The following ADAM10 variants were observed in gnomAD, a reference collection of about 807,000 sequenced individuals.
ADAM10 encodes the protein disintegrin and metalloproteinase domain-containing protein 10.
In ADAM10, 17 loss-of-function variants were observed where a neutral mutation model predicts 90.1. The observed-to-expected ratio is 0.19, with a 90% CI of 0.13 to 0.28. ADAM10 has a LOEUF of 0.28. ADAM10 is among the 10% of genes least tolerant of loss of function. The pLI, the probability that ADAM10 is intolerant of heterozygous loss-of-function variation, is 1.00. For synonymous variants in ADAM10, 310 were observed against 298.6 expected (o/e 1.04, Z -0.40); for missense variants, 610 against 914.3 (o/e 0.67, Z 4.29).
At chr15:58,745,050 G>C (rs995810067) in intron 1 of ADAM10, among the ~76,000 whole-genome samples, 2 of 152,160 alleles carry the variant, frequency 1.3e-5, no homozygotes, top group East Asian at 1.9e-4. Context: ...AGGCGTGGTG[G>C]TGCGCACCTG....
intron 4 of ADAM10, among the ~76,000 whole-genome samples, chr15:58,671,389 T>C (rs1192296622): frequency 6.6e-6 from 1 of 152,228 alleles, no homozygotes. Flanking sequence ...AGCAGCTTTT[T>C]AGAGGGCCAG....
chr15:58,715,799 T>C (rs905474327), intron 2 of ADAM10, among the ~76,000 whole-genome samples: 1 of 152,228 alleles, frequency 6.6e-6, no homozygotes, highest in Non-Finnish European at 1.5e-5. Flanking sequence ...TTGCCATTTA[T>C]TCAATATGAA....
At chr15:58,693,487 G>T (rs1360547831) in intron 2 of ADAM10, among the ~76,000 whole-genome samples, 3 of 152,050 alleles carry the variant, frequency 2.0e-5, no homozygotes, top group Non-Finnish European at 2.9e-5. Flanking sequence ...GCAATTCAAA[G>T]AATTGATAGG....
chr15:58,590,153 C>T lies in ADAM10; in HGVS notation c.*7394G>A, dbSNP rs1455498314. The T allele has an allele frequency of 6.6e-6, 1 of 152,152 alleles. No individual in the cohort carries two copies. Among genetic ancestry groups the T allele is most frequent in the African/African-American group, 2.4e-5 (1 of 41,432 alleles). 9.4% of individuals were successfully genotyped at this position (152,152 alleles called of 1,614,324 possible). ...TCACTTTCATAAGGAATTCTCTGAC[C>T]TTCCTGATGTCCCACCCTCCTTTCT... is the stretch of plus-strand genomic sequence containing the variant. On this transcript the variant is annotated 3_prime_UTR_variant, in exon 16 of 16. Coordinates refer to ENST00000260408, the MANE Select transcript of ADAM10 (RefSeq NM_001110.4).
At position 58,686,729 on chromosome 15, in the gene ADAM10, C is replaced by T. The variant is rs1897614168; in HGVS notation, c.207-4415G>A. The T allele has an allele frequency of 4.8e-6, 3 of 621,812 alleles. No homozygotes were observed. In the East Asian group the frequency reaches 8.2e-5, roughly 17 times the overall value. 38.5% of individuals were successfully genotyped at this position (621,812 alleles called of 1,614,324 possible). On this transcript the variant is annotated intron_variant, in intron 2 of 15. Coordinates refer to ENST00000260408, the MANE Select transcript of ADAM10 (RefSeq NM_001110.4). The stretch of plus-strand genomic sequence containing the variant: ...CCTAACTTTTAGAGATATTTCAGCC[C>T]TTTCCTGTGGCCCCGTCCTATAGCC...
intron 4 of ADAM10, among the ~76,000 whole-genome samples, chr15:58,675,208 G>T (rs1315226774): frequency 6.6e-6 from 1 of 151,914 alleles, no homozygotes; most frequent in East Asian, 1.9e-4. Flanking sequence ...AACCTCTCTG[G>T]GCTTTTCTAT....
chr15:58,612,127 G>T, intron 11 of ADAM10, 136 bp from the exon 12 acceptor site: 1 of 896,292 alleles, frequency 1.1e-6, no homozygotes, highest in Non-Finnish European at 1.7e-6. Context: ...TAAATGATAA[G>T]TATGTTACTG....
At chr15:58,741,042 G>A (rs1018636256) in intron 1 of ADAM10, among the ~76,000 whole-genome samples, 13 of 152,052 alleles carry the variant, frequency 8.5e-5, no homozygotes, top group African/African-American at 3.1e-4. Flanking sequence ...TAGGAAAAGG[G>A]GTAGTAAATT....
chr15:58,686,466 T>C (rs879576401), intron 2 of ADAM10: 50 of 1,396,056 alleles, frequency 3.6e-5, no homozygotes, highest in Non-Finnish European at 4.8e-5. Context: ...CAGCTCAAGT[T>C]GGAGGCTGGC....
At chr15:58,638,018 T>C (rs1896314119) in intron 8 of ADAM10, among the ~76,000 whole-genome samples, 1 of 152,314 alleles carries the variant, frequency 6.6e-6, no homozygotes, top group African/African-American at 2.4e-5. Context: ...GCAGTGTTAT[T>C]TCAAGGCAGG....
chr15:58,592,231 T>C lies in ADAM10; in HGVS notation c.*5316A>G, dbSNP rs1249609244. ...CTCACTTTGTGAGGTTAGCAGTCAC[T>C]GGCGATTATTGTCTAGATCCATAAA... On this transcript the variant is annotated 3_prime_UTR_variant, in exon 16 of 16. Transcript: ENST00000260408. The C allele has an allele frequency of 6.6e-6, 1 of 152,242 alleles. No homozygotes were observed. The highest frequency in any genetic ancestry group is 2.4e-5 in the African/African-American group (1 of 41,472). 9.4% of individuals were successfully genotyped at this position (152,242 alleles called of 1,614,324 possible).
intron 2 of ADAM10, among the ~76,000 whole-genome samples, chr15:58,714,180 T>G (rs1264760912): frequency 6.6e-6 from 1 of 152,168 alleles, no homozygotes; most frequent in Admixed American, 6.6e-5. Flanking sequence ...TCTGTAAACA[T>G]GGCATATAAT....
rs114926237 is a variant in ADAM10, at chr15:58,617,156, G to C, written c.1511+4315C>G. ...TAAAATAAAAATATATCAACAAAATGAACAGTTGGTTTCTTGGAAAGATAA... is the reference window on the plus strand; with the variant it reads ...TAAAATAAAAATATATCAACAAAATCAACAGTTGGTTTCTTGGAAAGATAA... On this transcript the variant is annotated intron_variant, in intron 11 of 15. Coordinates refer to ENST00000260408, the MANE Select transcript of ADAM10 (RefSeq NM_001110.4). Among the ~76,000 whole-genome samples the C allele has an allele frequency of 1.4e-4, 21 of 151,842 alleles. No individual in the cohort carries two copies. In the South Asian group the frequency reaches 4.2e-3, roughly 30 times the overall value.
At chr15:58,679,022 TA>T in intron 4 of ADAM10, 101 bp downstream of exon 4, 1 of 1,150,194 alleles carries the variant, frequency 8.7e-7, no homozygotes, top group Non-Finnish European at 1.3e-6. Context: ...GCCTGATTAG[TA>T]ACTCAGGAAA....
In ADAM10 at chr15:58,596,337, C is replaced by A. The variant is rs1211540055; in HGVS notation, c.*1210G>T. On this transcript the variant is annotated 3_prime_UTR_variant, in exon 16 of 16. Transcript: ENST00000260408. ...TCTTTAAAATGCCAATTATTTACAT[C>A]TGTTTCAAAAATAAATTTGGAATGG... 1.3e-5 allele frequency: 2 copies of A among 152,528 alleles called. No individual in the cohort carries two copies. The highest frequency in any genetic ancestry group is 4.8e-5 in the African/African-American group (2 of 41,422). The allele number at this position is 152,528 out of a possible 1,614,324, so 9.4% of individuals were successfully genotyped here. A position where few individuals can be genotyped will look rare whatever the true frequency, so the allele number is the denominator to read the frequency against.
intron 2 of ADAM10, among the ~76,000 whole-genome samples, chr15:58,716,233 G>C (rs535883489): frequency 3.3e-4 from 50 of 152,242 alleles, no homozygotes; most frequent in African/African-American, 1.1e-3. Context: ...AAATGTTTAA[G>C]CACGTGTACC....
chr15:58,727,188 TTTTTTTTTTTTTTTTTTCC>T (rs1490268971), intron 1 of ADAM10, among the ~76,000 whole-genome samples: 1 of 121,924 alleles, frequency 8.2e-6, no homozygotes, highest in South Asian at 3.0e-4. Context: ...TTTTTTTTTT[TTTTTTTTTTTTTTTTTTCC>T]CAAAAACAGC....
chr15:58,602,490 C>A (rs1336326344), intron 14 of ADAM10, among the ~76,000 whole-genome samples: 2 of 152,132 alleles, frequency 1.3e-5, no homozygotes, highest in Admixed American at 1.3e-4. Context: ...CTGCTCTGTG[C>A]CACTATAGCT....
At position 58,590,064 on chromosome 15, in the gene ADAM10, CATT is replaced by C. The variant is rs1385923255; in HGVS notation, c.*7480_*7482del. On this transcript the variant is annotated 3_prime_UTR_variant, in exon 16 of 16. Coordinates refer to ENST00000260408, the MANE Select transcript of ADAM10 (RefSeq NM_001110.4). ...CAGTGCCCAGTATATAACCAATCGA[CATT>C]ATTAAAAATTCTATGTAATCTATTT... 6.6e-5 allele frequency: 10 copies of C among 152,206 alleles called. No homozygotes were observed. The highest frequency in any genetic ancestry group is 2.2e-4 in the African/African-American group (9 of 41,448). 9.4% of individuals were successfully genotyped at this position (152,206 alleles called of 1,614,324 possible). A position where few individuals can be genotyped will look rare whatever the true frequency, so the allele number is the denominator to read the frequency against.
Sources: gnomAD v4.1 joint callset for allele counts (sites outside exome capture counted in the v4.1 genomes callset) on GRCh38, gnomAD v4.1.1 for gene constraint, MANE v1.5 for transcripts, NCBI Gene and HGNC (gene_info 2026-07-23, HGNC 2026-07-21) for gene names.